Variants in MAPT observed in about 807,000 individuals in gnomAD.
MAPT encodes microtubule associated protein tau.
In MAPT, 34 loss-of-function variants were observed where a neutral mutation model predicts 67.9. That is an observed-to-expected ratio of 0.50 (90% CI 0.38 to 0.67). The LOEUF (loss-of-function observed/expected upper bound fraction) is 0.67. MAPT is among the 30% of genes least tolerant of loss of function. MAPT has a pLI of 0.00. For missense variants in MAPT, 881 were observed against 1,115.2 expected, an observed-to-expected ratio of 0.79 and a Z score of 2.99; for synonymous variants, 456 against 464.5, an observed-to-expected ratio of 0.98 and a Z score of 0.23.
chr17:45,984,941 T>A (rs2145676246), intron 5 of MAPT, among the ~76,000 whole-genome samples: 1 of 152,366 alleles, frequency 6.6e-6, no homozygotes, highest in South Asian at 2.1e-4. Flanking sequence ...TGCAAGCATC[T>A]GTTAAATTTT....
At chr17:45,997,238 C>T (rs2074559909) in intron 9 of MAPT, among the ~76,000 whole-genome samples, 1 of 152,178 alleles carries the variant, frequency 6.6e-6, no homozygotes, top group South Asian at 2.1e-4. Flanking sequence ...GGCCTGGATC[C>T]CTTTCCCCAT....
rs1009427150 is a variant in MAPT at position 45,915,344 on chromosome 17, GGTGT to G, written c.-18+20661_-18+20664del. On this transcript the variant is annotated intron_variant, in intron 1 of 12. Transcript: ENST00000262410. The surrounding 1 kb of genome is among the most constrained non-coding windows in gnomAD (Gnocchi z 4.4). ...TGTGTAGTGTGTGTGTGAAGTATGT[GGTGT>G]GTATGTGTGACGTGAGGTGTGTGTG... 6.6e-6 allele frequency among the ~76,000 whole-genome samples: 1 copy of G among 150,760 alleles called. No individual in the cohort carries two copies. The highest frequency in any genetic ancestry group is 2.0e-4 in the East Asian group (1 of 5,086).
chr17:46,024,072 C>T lies in MAPT; in HGVS notation c.2403C>T (p.Ser801=). The T allele has an allele frequency of 6.2e-7, 1 of 1,614,172 alleles. No homozygotes were observed. Among genetic ancestry groups the T allele is most frequent in the Non-Finnish European group, 8.5e-7 (1 of 1,180,032 alleles). Reference sequence around the variant, plus strand: ...GGGACACGTCTCCACGGCATCTCAGCAATGTCTCCTCCACCGGCAGCATCG... The same window carrying T: ...GGGACACGTCTCCACGGCATCTCAGTAATGTCTCCTCCACCGGCAGCATCG... ...VSGDTSPRHL[S]NVSSTGSIDM... is the part of the protein sequence containing the mutation. The change falls in exon 13 of 13, where the codon AGC becomes AGT. Residue 801 remains serine (S), a synonymous_variant. Coordinates refer to ENST00000262410, the MANE Select transcript of MAPT (RefSeq NM_001377265.1).
intron 6 of MAPT, among the ~76,000 whole-genome samples, chr17:45,989,006 T>C (rs2145730356): frequency 6.7e-6 from 1 of 149,480 alleles, no homozygotes; most frequent in Non-Finnish European, 1.5e-5. Flanking sequence ...GTGGTGGGGG[T>C]GGGTGTAACC....
rs1373717561 is a variant in MAPT, at chr17:45,983,066, C to A, written c.487C>A (p.Pro163Thr). The A allele has an allele frequency of 2.6e-6, 4 of 1,532,116 alleles. No individual in the cohort carries two copies. Among genetic ancestry groups the A allele is most frequent in the Non-Finnish European group, 3.5e-6 (4 of 1,134,772 alleles). The allele number at this position is 1,532,116 out of a possible 1,614,324, so 94.9% of individuals were successfully genotyped here. Residue 163 changes from proline to threonine, a missense_variant, in exon 5 of 13, where the codon CCA (proline) becomes ACA (threonine). Pro to Thr is a conservative substitution (Grantham distance 38, BLOSUM62 -1). Transcript: ENST00000262410. ...CCGTCCCGTTTGCCCAGCGCCTCCTCCAACAGGAGGCCCTCAGGAGCCCTC... is the reference window on the plus strand; with the variant it reads ...CCGTCCCGTTTGCCCAGCGCCTCCTACAACAGGAGGCCCTCAGGAGCCCTC... ...QHRPVCPAPPPTGGPQEPSLE... is the reference protein window; with the variant it reads ...QHRPVCPAPPTTGGPQEPSLE...
chr17:46,003,335 G>A (rs543632581), intron 9 of MAPT, among the ~76,000 whole-genome samples: 4 of 152,160 alleles, frequency 2.6e-5, no homozygotes, highest in East Asian at 3.9e-4. Context: ...CTGGAGTGCA[G>A]TGGTGCAATC....
chr17:45,965,900 G>A (rs574107482), intron 2 of MAPT, among the ~76,000 whole-genome samples: 22 of 152,304 alleles, frequency 1.4e-4, no homozygotes, highest in African/African-American at 4.3e-4. Context: ...GATGACGTCC[G>A]CTTCACAGAT....
chr17:46,017,683 T>A (rs2076275451), intron 11 of MAPT, among the ~76,000 whole-genome samples: 1 of 149,002 alleles, frequency 6.7e-6, no homozygotes. Flanking sequence ...GGTCTCAAAC[T>A]CCTGACCTCA....
chr17:45,976,144 CCCA>C (rs1408627803), intron 3 of MAPT: 1 of 152,298 alleles, frequency 6.6e-6, no homozygotes, highest in Non-Finnish European at 1.5e-5. Context: ...CCACATGGGG[CCCA>C]CGGGAAACAC....
At chr17:45,925,867 A>G (rs980641112) in intron 1 of MAPT, among the ~76,000 whole-genome samples, 1 of 152,202 alleles carries the variant, frequency 6.6e-6, no homozygotes, top group Non-Finnish European at 1.5e-5. Flanking sequence ...TAATACATGC[A>G]TATGTTGTTT....
chr17:45,922,486 AACACAC>A (rs59017604), intron 1 of MAPT, among the ~76,000 whole-genome samples: 43 of 146,662 alleles, frequency 2.9e-4, no homozygotes, highest in African/African-American at 9.0e-4. Context: ...CTAGCTAGAG[AACACAC>A]ACACACACAC....
At chr17:45,901,646 A>G (rs1166879421) in intron 1 of MAPT, among the ~76,000 whole-genome samples, 1 of 152,216 alleles carries the variant, frequency 6.6e-6, no homozygotes, top group African/African-American at 2.4e-5. Flanking sequence ...CAGTTTTAAA[A>G]AGTCATTATA....
At chr17:45,993,854 C>T (rs1008024529) in intron 8 of MAPT, 6 of 1,476,596 alleles carry the variant, frequency 4.1e-6, no homozygotes, top group South Asian at 3.6e-5. Context: ...GTGCCTGCCA[C>T]GTGAAGGACT....
intron 1 of MAPT, among the ~76,000 whole-genome samples, chr17:45,961,638 A>C (rs527529803): frequency 6.6e-6 from 1 of 152,100 alleles, no homozygotes; most frequent in Non-Finnish European, 1.5e-5. Context: ...TCTCCTGTTC[A>C]GTCGTGCCCT....
At chr17:45,941,888 C>G (rs1164710868) in intron 1 of MAPT, among the ~76,000 whole-genome samples, 1 of 151,830 alleles carries the variant, frequency 6.6e-6, no homozygotes, top group Non-Finnish European at 1.5e-5. Flanking sequence ...GGCCCAGAAC[C>G]TAGGTGTGTG....
chr17:45,991,367 G>A (rs1375276226), intron 7 of MAPT, 93 bp from the exon 8 acceptor site: 6 of 1,536,866 alleles, frequency 3.9e-6, no homozygotes, highest in Non-Finnish European at 5.4e-6. Context: ...GCCACGTTTT[G>A]AGTCAAGGTG....
intron 1 of MAPT, among the ~76,000 whole-genome samples, chr17:45,916,460 C>T (rs1398244782): frequency 6.6e-6 from 1 of 152,124 alleles, no homozygotes; most frequent in Non-Finnish European, 1.5e-5. Flanking sequence ...CCCCACTTCC[C>T]ACCTGCTGCC....
intron 9 of MAPT, among the ~76,000 whole-genome samples, chr17:46,002,534 C>A (rs1438155214): frequency 6.6e-6 from 1 of 152,036 alleles, no homozygotes; most frequent in African/African-American, 2.4e-5. Flanking sequence ...GCCTGGTTGG[C>A]TCTGAGAAGA....
intron 1 of MAPT, among the ~76,000 whole-genome samples, chr17:45,918,746 T>G (rs1374464178): frequency 6.6e-6 from 1 of 152,184 alleles, no homozygotes; most frequent in Non-Finnish European, 1.5e-5. Flanking sequence ...GGATCATTTA[T>G]AAAGAAAAGA....
Sources: allele counts gnomAD v4.1 joint callset (sites outside exome capture counted in the v4.1 genomes callset), GRCh38; gene constraint gnomAD v4.1.1; non-coding constraint Gnocchi (gnomAD v3.1); transcripts MANE v1.5; gene names NCBI Gene and HGNC (gene_info 2026-07-23, HGNC 2026-07-21).